UPP2: variants seen among roughly 807,000 people sequenced by gnomAD.
The protein encoded by UPP2 is UPase 2.
A neutral mutation model predicts 26.7 loss-of-function variants in UPP2; 23 were observed. The ratio of observed to expected loss-of-function variants is 0.86; its 90% CI spans 0.62 to 1.22. UPP2 has a LOEUF of 1.22. UPP2 is among the 50% of genes most tolerant of loss of function. The probability of loss-of-function intolerance (pLI) is 0.00; values close to 1 mark genes in which losing one functional copy is unlikely to be tolerated. For missense variants in UPP2, 387 were observed against 396.7 expected (o/e 0.98, Z 0.21); for synonymous variants, 127 against 141.3 (o/e 0.90, Z 0.72).
chr2:158,054,293 G>C (rs1682209044), intron 3 of UPP2, among the ~76,000 whole-genome samples: 2 of 150,802 alleles, frequency 1.3e-5, no homozygotes, highest in Admixed American at 1.3e-4. Flanking sequence ...TAAAAAGAAA[G>C]AAACAGTGCA....
chr2:158,106,699 ATTAT>A (rs1014175188), intron 2 of UPP2, among the ~76,000 whole-genome samples: 3 of 152,170 alleles, frequency 2.0e-5, no homozygotes, highest in Admixed American at 6.5e-5. Context: ...TTTCATACAA[ATTAT>A]TTATTAAATA....
In UPP2 at chr2:158,055,531, T is replaced by A. The variant is rs555189814; in HGVS notation, c.147+39645T>A. On this transcript the variant is annotated intron_variant, in intron 3 of 9. Coordinates refer to the UPP2 transcript ENST00000605860. ...CGCATAATGTCCTCAAGGATATACA[T>A]CCTCAGAGCTGTCTTTCTTGACACT... Among the ~76,000 whole-genome samples the A allele has an allele frequency of 7.9e-5, 12 of 152,338 alleles. No homozygotes were observed. The South Asian group carries it at 2.5e-3, about 32-fold the overall frequency.
At chr2:158,048,037 T>C (rs7573932) in intron 3 of UPP2, among the ~76,000 whole-genome samples, 96,395 of 152,064 alleles carry the variant, frequency 0.63, 30,694 homozygotes, top group Non-Finnish European at 0.67. Flanking sequence ...GCATCTGAGA[T>C]TACATAGCCA....
chr2:158,129,698 T>C (rs1413113574), intron 6 of UPP2, among the ~76,000 whole-genome samples: 1 of 136,516 alleles, frequency 7.3e-6, no homozygotes, highest in Non-Finnish European at 1.6e-5. Flanking sequence ...CATAATAATA[T>C]AATTTAAACA....
intron 3 of UPP2, among the ~76,000 whole-genome samples, chr2:158,019,185 G>A (rs542356117): frequency 1.3e-5 from 2 of 152,300 alleles, no homozygotes; most frequent in Non-Finnish European, 2.9e-5. Flanking sequence ...AGTAAATAAA[G>A]GAGGAATCAG....
chr2:158,097,764 A>T (rs1683011025), upstream of UPP2, among the ~76,000 whole-genome samples: 1 of 152,220 alleles, frequency 6.6e-6, no homozygotes, highest in Non-Finnish European at 1.5e-5. Context: ...ATTTTGACAG[A>T]ATTGTGGAGG....
chr2:158,090,889 G>T (rs1046052846), intron 3 of UPP2, among the ~76,000 whole-genome samples: 6 of 152,138 alleles, frequency 3.9e-5, no homozygotes, highest in Non-Finnish European at 7.4e-5. Context: ...GTATACACAG[G>T]GTCCTGGTTT....
intron 3 of UPP2, among the ~76,000 whole-genome samples, chr2:158,073,913 G>T (rs985767797): frequency 2.6e-5 from 4 of 152,192 alleles, no homozygotes; most frequent in East Asian, 1.9e-4. Context: ...AGTGGCTGAC[G>T]TCTGTAATTC....
intron 3 of UPP2, among the ~76,000 whole-genome samples, chr2:158,052,961 G>A (rs1381777638): frequency 6.6e-6 from 1 of 152,134 alleles, no homozygotes; most frequent in Non-Finnish European, 1.5e-5. Context: ...TTGGCCTGAG[G>A]GCTGTAGTAT....
At chr2:158,074,586 A>T (rs1224353944) in intron 3 of UPP2, among the ~76,000 whole-genome samples, 5 of 151,998 alleles carry the variant, frequency 3.3e-5, no homozygotes, top group Admixed American at 6.6e-5. Context: ...CATAGTATAG[A>T]TATACAAAAA....
chr2:158,043,392 T>C (rs985303240), intron 3 of UPP2, among the ~76,000 whole-genome samples: 1 of 151,250 alleles, frequency 6.6e-6, no homozygotes, highest in Admixed American at 6.5e-5. Context: ...CAGAGTCCCA[T>C]GACATCAGAA....
intron 3 of UPP2, among the ~76,000 whole-genome samples, chr2:158,058,389 T>C (rs1409285679): frequency 1.9e-4 from 2 of 10,700 alleles, no homozygotes; most frequent in Non-Finnish European, 3.4e-4. Context: ...TCTCTCTCTC[T>C]CTCTCTCTCT....
At chr2:158,030,171 C>T (rs1441290797) in intron 3 of UPP2, among the ~76,000 whole-genome samples, 19 of 151,806 alleles carry the variant, frequency 1.3e-4, no homozygotes, top group Admixed American at 9.8e-4. Context: ...AAAAAATTGG[C>T]GATTATGATG....
At chr2:158,077,326 AACAGCCAAG>A (rs547404461) in intron 3 of UPP2, among the ~76,000 whole-genome samples, 76 of 152,232 alleles carry the variant, frequency 5.0e-4, no homozygotes, top group African/African-American at 1.6e-3. Flanking sequence ...AAAGACTCAA[AACAGCCAAG>A]GCTATCCTGA....
At chr2:158,101,746 C>A (rs1011516833), upstream of UPP2, 4 of 758,168 alleles carry the variant, frequency 5.3e-6, no homozygotes, top group Admixed American at 5.0e-5. Context: ...CAATAGTTAA[C>A]AAGCTAACCA....
upstream of UPP2, chr2:158,101,863 C>T: frequency 7.4e-7 from 1 of 1,342,900 alleles, no homozygotes; most frequent in Non-Finnish European, 9.5e-7. Context: ...TCAGGGAGGA[C>T]ATCTTTTATT....
intron 2 of UPP2, among the ~76,000 whole-genome samples, chr2:158,114,177 T>G (rs972701366): frequency 4.6e-5 from 7 of 152,204 alleles, no homozygotes; most frequent in African/African-American, 1.7e-4. Context: ...TTGTCTTCTC[T>G]CTCTCTGCAT....
chr2:158,086,941 G>A (rs1369294805), intron 3 of UPP2, among the ~76,000 whole-genome samples: 1 of 152,080 alleles, frequency 6.6e-6, no homozygotes, highest in African/African-American at 2.4e-5. Context: ...TGCGCCATGT[G>A]CTGAGGAATA....
intron 3 of UPP2, among the ~76,000 whole-genome samples, chr2:158,088,084 A>G (rs1682845816): frequency 6.6e-6 from 1 of 152,132 alleles, no homozygotes; most frequent in Admixed American, 6.6e-5. Context: ...TGTTTTCCAA[A>G]CTTTTAGATT....
Sources: gnomAD v4.1 joint callset for allele counts (sites outside exome capture counted in the v4.1 genomes callset) on GRCh38, gnomAD v4.1.1 for gene constraint, MANE v1.5 for transcripts, NCBI Gene and HGNC (gene_info 2026-07-23, HGNC 2026-07-21) for gene names.